The following MRPL36 variants were observed in gnomAD, a reference collection of about 807,000 sequenced individuals.
The protein encoded by MRPL36 is large ribosomal subunit protein bL36m.
In MRPL36, 1 loss-of-function variant was observed where a neutral mutation model predicts 2.8. The ratio of observed to expected loss-of-function variants is 0.36; its 90% CI spans 0.13 to 1.69. The LOEUF is 1.69. Among genes scored for constraint, MRPL36 ranks in the 40% most tolerant of loss-of-function variants. The probability of loss-of-function intolerance (pLI) is 0.35; values close to 1 mark genes in which losing one functional copy is unlikely to be tolerated. For synonymous variants in MRPL36, 68 were observed against 54.8 expected, an observed-to-expected ratio of 1.24 and a Z score of -1.06; for missense variants, 148 against 132.7, an observed-to-expected ratio of 1.12 and a Z score of -0.57.
Position 1,798,887 on chromosome 5 carries a change from T to C in MRPL36, c.49A>G (p.Ser17Gly), listed in dbSNP as rs114776273. 3.7e-6 allele frequency: 6 copies of C among 1,611,164 alleles called. No homozygotes were observed. The highest frequency in any genetic ancestry group is 5.1e-6 in the Non-Finnish European group (6 of 1,177,584). ...GCTCGAGGCTTCACCGTGTGACGAC[T>C]GAGATAGAGCAGAGGGTTCACCATT... ...RKMVNPLLYL[S>G]RHTVKPRALS... The change falls in exon 2 of 2, where the codon AGT becomes GGT. Residue 17 changes from serine to glycine, a missense_variant. Coordinates refer to ENST00000505059, the MANE Select transcript of MRPL36 (RefSeq NM_032479.4).
Position 1,799,171 on chromosome 5 carries a change from C to T in MRPL36, c.-12-224G>A, listed in dbSNP as rs149481984. ...GTGGACGGTGGCTTCCTTCCCTTTC[C>T]CGCCTGCTGCAAGTGTAGGTGAGTG... On this transcript the variant is annotated intron_variant, in intron 1 of 1. Coordinates refer to ENST00000505059, the MANE Select transcript of MRPL36 (RefSeq NM_032479.4). The T allele has an allele frequency of 3.4e-3, 1,595 of 473,716 alleles. 2 individuals are homozygous for T. Among genetic ancestry groups the T allele is most frequent in the Non-Finnish European group, 4.8e-3 (1,257 of 264,552 alleles). The allele number at this position is 473,716 out of a possible 1,614,324, so 29.3% of individuals were successfully genotyped here. A position where few individuals can be genotyped will look rare whatever the true frequency, so the allele number is the denominator to read the frequency against.
chr5:1,801,290 T>C (rs1433436455), upstream of MRPL36: 11 of 1,385,150 alleles, frequency 7.9e-6, no homozygotes, highest in East Asian at 2.5e-5. Context: ...CGGCGCACCC[T>C]CTGCCCCGAC....
upstream of MRPL36, chr5:1,801,297 C>G (rs940487267): frequency 7.1e-6 from 10 of 1,404,974 alleles, no homozygotes; most frequent in African/African-American, 1.5e-5. Context: ...CCCTCTGCCC[C>G]GACCCGCGCT....
chr5:1,798,892 T>C lies in MRPL36; in HGVS notation c.44A>G (p.Tyr15Cys). ...FIRKMVNPLLYLSRHTVKPRA... is the reference protein window; with the variant it reads ...FIRKMVNPLLCLSRHTVKPRA... ...AGGCTTCACCGTGTGACGACTGAGA[T>C]AGAGCAGAGGGTTCACCATTTTCCT... Residue 15 changes from tyrosine to cysteine, a missense_variant, in exon 2 of 2, where the codon TAT becomes TGT. Physicochemically the swap from Tyr to Cys is radical, Grantham distance 194. Transcript: ENST00000505059. 1 of 1,609,790 alleles carries C rather than the reference T, an allele frequency of 6.2e-7. No homozygotes were observed.
At chr5:1,801,409 C>T (rs781566412), upstream of MRPL36, 10 of 1,605,048 alleles carry the variant, frequency 6.2e-6, no homozygotes, top group Admixed American at 3.3e-5. Flanking sequence ...CAAAGGCCAG[C>T]GGCGCAAAAT....
chr5:1,799,168 T>G, intron 1 of MRPL36: 3 of 473,120 alleles, frequency 6.3e-6, no homozygotes, highest in Non-Finnish European at 7.6e-6. Context: ...TTCCTTCCCT[T>G]TCCCGCCTGC....
chr5:1,800,951 T>C (rs1318793835), upstream of MRPL36, among the ~76,000 whole-genome samples: 1 of 152,248 alleles, frequency 6.6e-6, no homozygotes, highest in Non-Finnish European at 1.5e-5. Flanking sequence ...AATTTTGATA[T>C]TTAAATGTCT....
chr5:1,798,909 C>T lies in MRPL36; in HGVS notation c.27G>A (p.Met9Ile), dbSNP rs1252850435. The T allele has an allele frequency of 1.9e-6, 3 of 1,595,464 alleles. No homozygotes were observed. Among genetic ancestry groups the T allele is most frequent in the Admixed American group, 3.4e-5 (2 of 58,892 alleles). Residue 9 changes from methionine to isoleucine, a missense_variant, in exon 2 of 2, where the codon ATG becomes ATA. By Grantham distance (10) the Met-to-Ile change is conservative. Coordinates refer to ENST00000505059, the MANE Select transcript of MRPL36 (RefSeq NM_032479.4). MANLFIRKMVNPLLYLSRH... is the reference protein window; with the variant it reads MANLFIRKIVNPLLYLSRH... ...GACTGAGATAGAGCAGAGGGTTCACCATTTTCCTTATAAAAAGATTTGCCA... is the reference window on the plus strand; with the variant it reads ...GACTGAGATAGAGCAGAGGGTTCACTATTTTCCTTATAAAAAGATTTGCCA...
chr5:1,798,960 GA>G lies in MRPL36; in HGVS notation c.-12-14del. The G allele has an allele frequency of 2.6e-6, 4 of 1,533,640 alleles. No homozygotes were observed. The highest frequency in any genetic ancestry group is 2.0e-5 in the Admixed American group (1 of 49,168). ...TGTTGTGGTGAATCTATGGGAGAGA[GA>G]AAAAAAGGAGTTATAGCTTCTCCTG... On this transcript the variant is annotated splice_polypyrimidine_tract_variant and intron_variant, in intron 1 of 1. Coordinates refer to ENST00000505059, the MANE Select transcript of MRPL36 (RefSeq NM_032479.4).
intron 1 of MRPL36, 68 bp from the exon 2 acceptor site, chr5:1,799,015 T>G (rs1447892973): frequency 7.7e-7 from 1 of 1,295,718 alleles, no homozygotes; most frequent in Non-Finnish European, 1.1e-6. Context: ...AAGGCTTCCT[T>G]TTCTCTGTTT....
At position 1,798,789 on chromosome 5, in the gene MRPL36, G is replaced by A; in HGVS notation, c.147C>T (p.Arg49=). 4 of 1,614,102 alleles carry A rather than the reference G, an allele frequency of 2.5e-6. No homozygotes were observed. The highest frequency in any genetic ancestry group is 1.1e-5 in the South Asian group (1 of 91,082). ...GCAGGAGGCCGGGTGAGAGAAGTGA[G>A]CGCACTGCTGCCCCGGGTTCCACAG... The part of the protein sequence containing the change: ...PVAVEPGAAV[R]SLLSPGLLPH... The change falls in exon 2 of 2, where the codon CGC becomes CGT. Residue 49 remains arginine, a synonymous_variant. Coordinates refer to ENST00000505059, the MANE Select transcript of MRPL36 (RefSeq NM_032479.4).
chr5:1,801,305 G>C (rs1352674270), upstream of MRPL36: 4 of 1,352,838 alleles, frequency 3.0e-6, no homozygotes, highest in Non-Finnish European at 9.7e-7. Context: ...CCCGACCCGC[G>C]CTCCCCGCCC....
rs770832296 is a variant in MRPL36 at position 1,798,773 on chromosome 5, C to G, written c.163G>C (p.Gly55Arg). Residue 55 changes from glycine to arginine, a missense_variant, in exon 2 of 2, where the codon GGC becomes CGC. Gly to Arg is a moderately radical substitution (Grantham distance 125). Transcript: ENST00000505059. ...GAAVRSLLSP[G>R]LLPHLLPALG... The stretch of plus-strand genomic sequence containing the variant: ...GCAGGCAGCAGATGGGGCAGGAGGC[C>G]GGGTGAGAGAAGTGAGCGCACTGCT... 1 of 1,613,988 alleles carries G rather than the reference C, an allele frequency of 6.2e-7. No homozygotes were observed. The highest frequency in any genetic ancestry group is 8.5e-7 in the Non-Finnish European group (1 of 1,179,974).
chr5:1,798,460 C>T lies in MRPL36; in HGVS notation c.*164G>A. The T allele has an allele frequency of 1.5e-6, 1 of 651,084 alleles. No homozygotes were observed. 40.3% of individuals were successfully genotyped at this position (651,084 alleles called of 1,614,324 possible). A position where few individuals can be genotyped will look rare whatever the true frequency, so the allele number is the denominator to read the frequency against. The stretch of plus-strand genomic sequence containing the variant: ...TGGAAATAAGATAACGCAATGTCTT[C>T]TATAGTTACTCATTTACACTGAAAC... On this transcript the variant is annotated 3_prime_UTR_variant, in exon 2 of 2. Transcript: ENST00000505059.
upstream of MRPL36, chr5:1,801,246 A>G: frequency 1.0e-6 from 1 of 978,992 alleles, no homozygotes; most frequent in South Asian, 1.7e-5. Context: ...ACCTGGGATG[A>G]AAACGGGTGA....
upstream of MRPL36, among the ~76,000 whole-genome samples, chr5:1,801,094 A>C (rs1408807751): frequency 1.3e-5 from 2 of 152,230 alleles, no homozygotes; most frequent in African/African-American, 4.8e-5. Flanking sequence ...CTGCCTCATC[A>C]GGGCCCTAGC....
intron 1 of MRPL36, chr5:1,799,331 A>G (rs1324505527): frequency 6.4e-6 from 1 of 156,736 alleles, no homozygotes; most frequent in Non-Finnish European, 1.4e-5. Flanking sequence ...CTCTTCCCAG[A>G]CCCAGGGGCC....
At position 1,798,890 on chromosome 5, in the gene MRPL36, G is replaced by C; in HGVS notation, c.46C>G (p.Leu16Val). ...CGAGGCTTCACCGTGTGACGACTGA[G>C]ATAGAGCAGAGGGTTCACCATTTTC... ...IRKMVNPLLY[L>V]SRHTVKPRAL... The change falls in exon 2 of 2, where the codon CTC becomes GTC. Residue 16 changes from leucine to valine, a missense_variant. By Grantham distance (32) the Leu-to-Val change is conservative. Coordinates refer to ENST00000505059, the MANE Select transcript of MRPL36 (RefSeq NM_032479.4). 6.2e-7 allele frequency: 1 copy of C among 1,609,950 alleles called. No individual in the cohort carries two copies. Among genetic ancestry groups the C allele is most frequent in the Non-Finnish European group, 8.5e-7 (1 of 1,176,480 alleles).
chr5:1,800,847 C>T (rs1185499410), upstream of MRPL36, among the ~76,000 whole-genome samples: 2 of 152,190 alleles, frequency 1.3e-5, no homozygotes, highest in African/African-American at 2.4e-5. Context: ...GTTTCCTCTG[C>T]GGCTCCCCGT....
Sources: allele counts gnomAD v4.1 joint callset (sites outside exome capture counted in the v4.1 genomes callset), GRCh38; gene constraint gnomAD v4.1.1; transcripts MANE v1.5; gene names NCBI Gene and HGNC (gene_info 2026-07-23, HGNC 2026-07-21).